FBXO34: variants seen among roughly 807,000 people sequenced by gnomAD.
The protein encoded by FBXO34 is F-box protein 34, also known as F-box only protein 34.
Under a neutral mutation model 24.5 loss-of-function variants are expected in FBXO34, and 12 were observed. The observed-to-expected ratio is 0.49, with a 90% CI of 0.31 to 0.79. The LOEUF is 0.79. FBXO34 is among the 30% of genes least tolerant of loss of function. FBXO34 has a pLI of 0.04. For synonymous variants in FBXO34, 320 were observed against 311.9 expected, an observed-to-expected ratio of 1.03 and a Z score of -0.27; for missense variants, 823 against 857.7, an observed-to-expected ratio of 0.96 and a Z score of 0.51.
the FBXO34 span, among the ~76,000 whole-genome samples, chr14:55,434,734 C>T: frequency 1.3e-5 from 2 of 152,164 alleles, no homozygotes; most frequent in East Asian, 3.8e-4. Flanking sequence ...TTATTGTATT[C>T]GGGTAACATC....
the FBXO34 span, among the ~76,000 whole-genome samples, chr14:55,435,027 G>A: frequency 6.6e-6 from 1 of 152,112 alleles, no homozygotes; most frequent in African/African-American, 2.4e-5. Flanking sequence ...CAGGATGCCT[G>A]GCCTTGGCAG....
the FBXO34 span, among the ~76,000 whole-genome samples, chr14:55,388,226 A>G: frequency 6.6e-6 from 1 of 152,100 alleles, no homozygotes; most frequent in Non-Finnish European, 1.5e-5. Flanking sequence ...ATGCTAACTT[A>G]TTTTCATTAT....
chr14:55,415,353 T>C, the FBXO34 span, among the ~76,000 whole-genome samples: 1 of 152,224 alleles, frequency 6.6e-6, no homozygotes, highest in African/African-American at 2.4e-5. Context: ...ATAAAGTACA[T>C]TGCTGATAGG....
At chr14:55,306,054 T>C (rs1159572718) in intron 1 of FBXO34, among the ~76,000 whole-genome samples, 1 of 152,234 alleles carries the variant, frequency 6.6e-6, no homozygotes, top group Non-Finnish European at 1.5e-5. Context: ...CTTAAATATG[T>C]GTGCATGTAT....
At chr14:55,378,848 GGT>G in the FBXO34 span, among the ~76,000 whole-genome samples, 2 of 152,210 alleles carry the variant, frequency 1.3e-5, no homozygotes, top group African/African-American at 4.8e-5. Flanking sequence ...TGGGACTATA[GGT>G]GTGTGTCACC....
the FBXO34 span, among the ~76,000 whole-genome samples, chr14:55,388,370 T>A: frequency 1.3e-5 from 2 of 152,318 alleles, 1 homozygote; most frequent in African/African-American, 4.8e-5. Context: ...CAGGAAATCA[T>A]CAGTCACCTC....
chr14:55,303,069 G>A (rs574017622), intron 1 of FBXO34, among the ~76,000 whole-genome samples: 4 of 152,026 alleles, frequency 2.6e-5, no homozygotes, highest in Admixed American at 6.6e-5. Flanking sequence ...TCTCTTTCTG[G>A]AATAAATTCT....
At chr14:55,381,976 G>A in the FBXO34 span, 1 of 1,613,902 alleles carries the variant, frequency 6.2e-7, no homozygotes, top group Admixed American at 1.7e-5. Context: ...CCCCTGGGTT[G>A]TTTTCTTCTC....
the FBXO34 span, among the ~76,000 whole-genome samples, chr14:55,428,229 T>A: frequency 5.5e-5 from 8 of 144,914 alleles, no homozygotes; most frequent in Non-Finnish European, 1.0e-4. Flanking sequence ...TCCTGGGTTC[T>A]GGCCATTCTT....
rs113785422 is a variant in FBXO34 at position 55,361,359 on chromosome 14, T to C, written c.*589-374T>C. Among the ~76,000 whole-genome samples, 1,437 of 152,354 alleles carry C rather than the reference T, an allele frequency of 9.4e-3. 29 individuals carry two copies. Among genetic ancestry groups the C allele is most frequent in the African/African-American group, 0.033 (1,382 of 41,580 alleles). ...CAGTAGGTCTCAATTGTGGGCTTAA[T>C]CTGTAAACCATGCTGTAAACAGATG... On this transcript the variant is annotated intron_variant and NMD_transcript_variant, in intron 3 of 3. Coordinates refer to the FBXO34 transcript ENST00000555280.
intron 1 of FBXO34, chr14:55,298,718 C>A: frequency 6.4e-7 from 1 of 1,568,588 alleles, no homozygotes; most frequent in Non-Finnish European, 8.7e-7. Flanking sequence ...GGCTGCGGGA[C>A]ACGGAGGAGA....
At chr14:55,429,766 C>CAAAAAAAAAA in the FBXO34 span, among the ~76,000 whole-genome samples, 61 of 52,338 alleles carry the variant, frequency 1.2e-3, no homozygotes, top group Non-Finnish European at 1.5e-3. Flanking sequence ...AACTCCGTCT[C>CAAAAAAAAAA]AAAAAAAAAA....
the FBXO34 span, among the ~76,000 whole-genome samples, chr14:55,430,375 A>G: frequency 7.9e-5 from 11 of 139,616 alleles, no homozygotes; most frequent in Non-Finnish European, 1.4e-4. Flanking sequence ...ACCTCATTTA[A>G]TGTTGATTCT....
chr14:55,311,184 T>C (rs1388103748), intron 1 of FBXO34, among the ~76,000 whole-genome samples: 1 of 152,168 alleles, frequency 6.6e-6, no homozygotes, highest in African/African-American at 2.4e-5. Flanking sequence ...GATACTTTCT[T>C]CACAATGTGG....
At position 55,352,476 on chromosome 14, in the gene FBXO34, C is replaced by G. The variant is rs1017603455; in HGVS notation, c.2086C>G (p.Arg696Gly). The change falls in exon 2 of 2, where the codon CGG becomes GGG. Residue 696 changes from arginine to glycine, a missense_variant. Transcript: ENST00000313833. ...GGTTCCTGCCTGCCACAGCTTTAAT[C>G]GGGCAATCCATAAGAAAGCAAAAGG... ...HWVPACHSFNRAIHKKAKGTE... is the reference protein window; with the variant it reads ...HWVPACHSFNGAIHKKAKGTE... 3 of 1,613,416 alleles carry G rather than the reference C, an allele frequency of 1.9e-6. No homozygotes were observed. In the African/African-American group the frequency reaches 4.0e-5, roughly 22 times the overall value.
chr14:55,352,627 G>GT lies in FBXO34; in HGVS notation c.*101_*102insT. The GT allele has an allele frequency of 1.0e-6, 1 of 955,602 alleles. No individual in the cohort carries two copies. The highest frequency in any genetic ancestry group is 1.5e-6 in the Non-Finnish European group (1 of 648,354). 59.2% of individuals were successfully genotyped at this position (955,602 alleles called of 1,614,324 possible). A position where few individuals can be genotyped will look rare whatever the true frequency, so the allele number is the denominator to read the frequency against. ...AGCCCCCTGAGTCATCACTCTAGAA[G>GT]AATCTGTACATCATCAGGACTGCAT... On this transcript the variant is annotated 3_prime_UTR_variant, in exon 2 of 2. Coordinates refer to ENST00000313833, the MANE Select transcript of FBXO34 (RefSeq NM_017943.4).
At chr14:55,274,791 G>T (rs1881279183) in intron 1 of FBXO34, among the ~76,000 whole-genome samples, 1 of 151,960 alleles carries the variant, frequency 6.6e-6, no homozygotes, top group African/African-American at 2.4e-5. Context: ...ATATTTGTTT[G>T]GGAGAAAACA....
intron 1 of FBXO34, among the ~76,000 whole-genome samples, chr14:55,323,216 A>T (rs376776319): frequency 0.26 from 9,109 of 34,668 alleles, 1,414 homozygotes; most frequent in Non-Finnish European, 0.28. Context: ...AAAAAAAAAA[A>T]AAATATATAT....
At chr14:55,279,132 C>T (rs1452457289) in intron 1 of FBXO34, among the ~76,000 whole-genome samples, 2 of 151,948 alleles carry the variant, frequency 1.3e-5, no homozygotes, top group South Asian at 2.1e-4. Context: ...ACTAAAAATA[C>T]AAAAATTAGC....
Sources: allele counts gnomAD v4.1 joint callset (sites outside exome capture counted in the v4.1 genomes callset), GRCh38; gene constraint gnomAD v4.1.1; transcripts MANE v1.5; gene names NCBI Gene and HGNC (gene_info 2026-07-23, HGNC 2026-07-21).